CSNK2A1: variants seen among roughly 807,000 people sequenced by gnomAD.
CSNK2A1 encodes the protein casein kinase 2 alpha 1, also known as casein kinase II subunit alpha.
Under a neutral mutation model 62.9 loss-of-function variants are expected in CSNK2A1, and 10 were observed. That is an observed-to-expected ratio of 0.16 (90% CI 0.10 to 0.27). CSNK2A1 has a LOEUF of 0.27. Ranked by LOEUF, CSNK2A1 falls within the 10% of genes least tolerant of loss-of-function variation. CSNK2A1 has a pLI of 1.00. For synonymous variants in CSNK2A1, 124 were observed against 167.8 expected (o/e 0.74, Z 2.02); for missense variants, 160 against 492.0 (o/e 0.33, Z 6.38).
At chr20:485,103 A>ATTT (rs2018059131) in intron 13 of CSNK2A1, among the ~76,000 whole-genome samples, 1 of 26,124 alleles carries the variant, frequency 3.8e-5, no homozygotes, top group Non-Finnish European at 7.5e-5. Flanking sequence ...AAAAAAAAAA[A>ATTT]AAAAAAATAT....
At position 499,959 on chromosome 20, in the gene CSNK2A1, A is replaced by C. The variant is rs1442284627; in HGVS notation, c.214-25T>G. ...GCTGAAAGGGGAAAAGTACATCAGC[A>C]AAAAAAAAAAAAAAAAATTTTTTCA... On this transcript the variant is annotated intron_variant, in intron 4 of 13. Coordinates refer to ENST00000217244, the MANE Select transcript of CSNK2A1 (RefSeq NM_177559.3). The surrounding 1 kb of genome is among the most constrained non-coding windows in gnomAD (Gnocchi z 4.2). The C allele has an allele frequency of 1.8e-5, 2 of 114,282 alleles. No individual in the cohort carries two copies. The highest frequency in any genetic ancestry group is 2.7e-5 in the Non-Finnish European group (2 of 74,254). 7.1% of individuals were successfully genotyped at this position (114,282 alleles called of 1,614,324 possible). A position where few individuals can be genotyped will look rare whatever the true frequency, so the allele number is the denominator to read the frequency against.
chr20:533,595 G>A (rs1003425115), intron 1 of CSNK2A1, among the ~76,000 whole-genome samples: 16 of 152,194 alleles, frequency 1.1e-4, no homozygotes, highest in South Asian at 8.3e-4. Flanking sequence ...AGAGCGAGAC[G>A]CTGTCTCAAA....
rs1041317016 is a variant in CSNK2A1 at position 511,711 on chromosome 20, C to T, written c.-109-3051G>A. On this transcript the variant is annotated intron_variant, in intron 2 of 13. Transcript: ENST00000217244. Reference sequence around the variant, plus strand: ...TGCACTGTGTATATATATACACACACACACACACACACACACACACCACAT... The same window carrying T: ...TGCACTGTGTATATATATACACACATACACACACACACACACACACCACAT... Among the ~76,000 whole-genome samples, 236 of 151,296 alleles carry T rather than the reference C, an allele frequency of 1.6e-3. 1 individual carries two copies. The highest frequency in any genetic ancestry group is 4.1e-3 in the East Asian group (21 of 5,144).
rs531191049 is a variant in CSNK2A1, at chr20:518,206, A to C, written c.-109-9546T>G. Among the ~76,000 whole-genome samples the C allele has an allele frequency of 4.6e-5, 7 of 152,354 alleles. No homozygotes were observed. In the South Asian group the frequency reaches 1.4e-3, roughly 32 times the overall value. ...AAAATGCAAACCCAGAGATATAAGC[A>C]AGCAAGGAAGCCTGGAAAGCCTTTG... On this transcript the variant is annotated intron_variant, in intron 2 of 13. Transcript: ENST00000217244.
Position 472,874 on chromosome 20 carries a change from T to C in CSNK2A1, c.*11087A>G, listed in dbSNP as rs940290212. ...GAAGGTTTGTGTCTTTCCTATAATT[T>C]CTCCCACCACCCTGACCAATCTCCT... is the stretch of plus-strand genomic sequence containing the variant. On this transcript the variant is annotated 3_prime_UTR_variant, in exon 14 of 14. Transcript: ENST00000217244. 2 of 152,164 alleles carry C rather than the reference T, an allele frequency of 1.3e-5. No homozygotes were observed. The highest frequency in any genetic ancestry group is 2.9e-5 in the Non-Finnish European group (2 of 68,060). The allele number at this position is 152,164 out of a possible 1,614,324, so 9.4% of individuals were successfully genotyped here.
At chr20:539,407 T>C (rs1250677131) in intron 1 of CSNK2A1, 5 of 152,240 alleles carry the variant, frequency 3.3e-5, no homozygotes, top group Admixed American at 2.0e-4. Flanking sequence ...GCTGCCTGCA[T>C]TCCCCGTCTC....
chr20:525,650 C>CAAAAA (rs59103809), intron 2 of CSNK2A1, among the ~76,000 whole-genome samples: 1 of 61,018 alleles, frequency 1.6e-5, no homozygotes, highest in Non-Finnish European at 3.5e-5. Flanking sequence ...GACTCCATCT[C>CAAAAA]AAAAAAAAAA....
At chr20:516,052 T>C (rs1419072648) in intron 2 of CSNK2A1, among the ~76,000 whole-genome samples, 9 of 152,226 alleles carry the variant, frequency 5.9e-5, no homozygotes, top group Non-Finnish European at 1.2e-4. Flanking sequence ...CCAATTTTTA[T>C]AGCAGCTTAT....
chr20:487,624 G>A (rs762910972), intron 11 of CSNK2A1, 49 bp from the exon 12 acceptor site: 4 of 1,611,668 alleles, frequency 2.5e-6, no homozygotes, highest in Admixed American at 3.3e-5. Context: ...GGGCACAGAA[G>A]CCCAACATTT....
At chr20:495,510 T>C (rs2018327781) in intron 8 of CSNK2A1, 1 of 489,346 alleles carries the variant, frequency 2.0e-6, no homozygotes, top group Non-Finnish European at 3.7e-6. Context: ...TTTGCCCACT[T>C]TACTCATGTT....
rs1166261143 is a variant in CSNK2A1 at position 531,350 on chromosome 20, C to T, written c.-226-3301G>A. Among the ~76,000 whole-genome samples, 4 of 152,132 alleles carry T rather than the reference C, an allele frequency of 2.6e-5. No homozygotes were observed. The East Asian group carries it at 7.7e-4, about 29-fold the overall frequency. Reference sequence around the variant, plus strand: ...ACAGACACCCAATGGAGATACCACACGTAAACCTGGACAACTCTTCATTTA... The same window carrying T: ...ACAGACACCCAATGGAGATACCACATGTAAACCTGGACAACTCTTCATTTA... On this transcript the variant is annotated intron_variant, in intron 1 of 13. Transcript: ENST00000217244.
At chr20:522,905 G>A (rs1238845959) in intron 2 of CSNK2A1, among the ~76,000 whole-genome samples, 1 of 152,052 alleles carries the variant, frequency 6.6e-6, no homozygotes. Context: ...CAAACGCCTG[G>A]CCTCAAGCAA....
chr20:494,769 T>G (rs1275560850), intron 8 of CSNK2A1: 1 of 152,142 alleles, frequency 6.6e-6, no homozygotes, highest in Non-Finnish European at 1.5e-5. Flanking sequence ...GCATTCATTC[T>G]GTCCCAGCTT....
At chr20:492,182 C>CT (rs1035233093) in intron 9 of CSNK2A1, 72 bp downstream of exon 9, 63,889 of 978,204 alleles carry the variant, frequency 0.065, no homozygotes, top group South Asian at 0.071. Flanking sequence ...CAAAATGATA[C>CT]TTTTTTTTTT....
intron 9 of CSNK2A1, among the ~76,000 whole-genome samples, chr20:490,911 A>C (rs944351084): frequency 3.3e-5 from 5 of 149,522 alleles, no homozygotes; most frequent in East Asian, 1.9e-4. Flanking sequence ...AAAAAAAAAA[A>C]CCTCCAAATT....
In CSNK2A1 at chr20:478,835, G is replaced by A. The variant is rs564469599; in HGVS notation, c.*5126C>T. The A allele has an allele frequency of 5.1e-5, 14 of 273,086 alleles. No homozygotes were observed. Among genetic ancestry groups the A allele is most frequent in the South Asian group, 4.0e-4 (14 of 34,966 alleles). 16.9% of individuals were successfully genotyped at this position (273,086 alleles called of 1,614,324 possible). A position where few individuals can be genotyped will look rare whatever the true frequency, so the allele number is the denominator to read the frequency against. The stretch of plus-strand genomic sequence containing the variant: ...TGTAGTCCCTGGAAGGCTGAGTTGG[G>A]AGGATCACCTGAGCCTGGGAGGTTG... On this transcript the variant is annotated 3_prime_UTR_variant, in exon 14 of 14. Coordinates refer to ENST00000217244, the MANE Select transcript of CSNK2A1 (RefSeq NM_177559.3).
chr20:506,885 C>G (rs1246635132), intron 3 of CSNK2A1: 1 of 152,134 alleles, frequency 6.6e-6, no homozygotes, highest in Admixed American at 6.5e-5. Context: ...TAAGCAGAAC[C>G]AAGTGCAAAG....
At position 492,302 on chromosome 20, in the gene CSNK2A1, T is replaced by C. The variant is rs547574228; in HGVS notation, c.573A>G (p.Arg191=). 1.2e-6 allele frequency: 2 copies of C among 1,614,126 alleles called. No individual in the cohort carries two copies. The highest frequency in any genetic ancestry group is 2.7e-5 in the African/African-American group (2 of 75,026). ...GACCTTTGAAGTATCGGGAAGCAAC[T>C]CGGACATTATATTCTTGGCCAGGAT... ...FYHPGQEYNV[R]VASRYFKGPE... is the part of the protein sequence containing the mutation. The change falls in exon 9 of 14, where the codon CGA becomes CGG. Residue 191 remains arginine (R), a synonymous_variant. Coordinates refer to ENST00000217244, the MANE Select transcript of CSNK2A1 (RefSeq NM_177559.3).
intron 7 of CSNK2A1, chr20:496,189 T>TA (rs1445562775): frequency 1.1e-5 from 2 of 183,864 alleles, no homozygotes; most frequent in African/African-American, 4.7e-5. Flanking sequence ...CTTTAGCCAT[T>TA]AAGAGTCTGT....
Sources: gnomAD v4.1 joint callset for allele counts (sites outside exome capture counted in the v4.1 genomes callset) on GRCh38, gnomAD v4.1.1 for gene constraint, Gnocchi (gnomAD v3.1) non-coding constraint, MANE v1.5 for transcripts, NCBI Gene and HGNC (gene_info 2026-07-23, HGNC 2026-07-21) for gene names.